The following PRDM6 variants were observed in gnomAD, a reference collection of about 807,000 sequenced individuals.
PRDM6 encodes the protein putative histone-lysine N-methyltransferase PRDM6.
Under a neutral mutation model 60.8 loss-of-function variants are expected in PRDM6, and 25 were observed. The ratio of observed to expected loss-of-function variants is 0.41; its 90% CI spans 0.30 to 0.57. The LOEUF (loss-of-function observed/expected upper bound fraction) is 0.57. PRDM6 is among the 20% of genes least tolerant of loss of function. The probability of loss-of-function intolerance (pLI) is 0.27; values close to 1 mark genes in which losing one functional copy is unlikely to be tolerated. For missense variants in PRDM6, 839 were observed against 821.3 expected (o/e 1.02, Z -0.26); for synonymous variants, 407 against 357.4 (o/e 1.14, Z -1.57).
At chr5:123,143,479 G>A (rs975669343) in intron 3 of PRDM6, among the ~76,000 whole-genome samples, 5 of 152,132 alleles carry the variant, frequency 3.3e-5, no homozygotes, top group Non-Finnish European at 7.4e-5. Context: ...TCTGATGTGA[G>A]CCATAACCTC....
intron 3 of PRDM6, among the ~76,000 whole-genome samples, chr5:123,147,874 G>A (rs535823425): frequency 3.3e-5 from 5 of 152,310 alleles, no homozygotes; most frequent in African/African-American, 4.8e-5. Flanking sequence ...GACGGCTGCC[G>A]CCGCCTTCAG....
At chr5:123,164,303 T>C (rs933716029) in intron 5 of PRDM6, among the ~76,000 whole-genome samples, 15 of 152,164 alleles carry the variant, frequency 9.9e-5, no homozygotes, top group Admixed American at 1.3e-4. Context: ...TTGTGTACAG[T>C]GCAAAGCTGG....
intron 2 of PRDM6, among the ~76,000 whole-genome samples, chr5:123,098,749 C>G (rs926905142): frequency 6.6e-6 from 1 of 152,204 alleles, no homozygotes; most frequent in Non-Finnish European, 1.5e-5. Flanking sequence ...TTAGGCTGAT[C>G]GTTAAATTTG....
At chr5:123,152,292 G>A (rs935831099) in intron 3 of PRDM6, among the ~76,000 whole-genome samples, 5 of 152,168 alleles carry the variant, frequency 3.3e-5, no homozygotes, top group African/African-American at 9.7e-5. Flanking sequence ...TAAGACAGTA[G>A]AGAGGTAGAG....
At chr5:123,133,972 A>G (rs1339920966) in intron 3 of PRDM6, among the ~76,000 whole-genome samples, 1 of 152,146 alleles carries the variant, frequency 6.6e-6, no homozygotes, top group Non-Finnish European at 1.5e-5. Flanking sequence ...TGCCACACGA[A>G]CTTTTCATTC....
chr5:123,140,886 T>C (rs1765082381), intron 3 of PRDM6, among the ~76,000 whole-genome samples: 1 of 152,104 alleles, frequency 6.6e-6, no homozygotes, highest in African/African-American at 2.4e-5. Context: ...ATAGGTATTA[T>C]TATTTTTAAA....
chr5:123,092,881 T>G (rs1372574232), intron 2 of PRDM6, among the ~76,000 whole-genome samples: 1 of 152,212 alleles, frequency 6.6e-6, no homozygotes, highest in African/African-American at 2.4e-5. Flanking sequence ...GGATGTACTT[T>G]TACAAAGATG....
At chr5:123,139,380 C>T (rs1765046452) in intron 3 of PRDM6, among the ~76,000 whole-genome samples, 1 of 151,866 alleles carries the variant, frequency 6.6e-6, no homozygotes, top group African/African-American at 2.4e-5. Flanking sequence ...TTGGTGGATT[C>T]CGTATTAGGC....
intron 3 of PRDM6, among the ~76,000 whole-genome samples, chr5:123,110,168 A>C (rs1223006914): frequency 1.3e-5 from 2 of 152,218 alleles, no homozygotes; most frequent in Non-Finnish European, 2.9e-5. Context: ...TAGAAATTTT[A>C]GATGAAAAAA....
chr5:123,108,325 A>G (rs78546796), intron 3 of PRDM6, among the ~76,000 whole-genome samples: 7,843 of 152,240 alleles, frequency 0.052, 273 homozygotes, highest in East Asian at 0.11. Context: ...CATGTTTTCA[A>G]TGTCTTGTAA....
At chr5:123,131,284 T>C (rs1764828913) in intron 3 of PRDM6, among the ~76,000 whole-genome samples, 1 of 152,188 alleles carries the variant, frequency 6.6e-6, no homozygotes, top group South Asian at 2.1e-4. Flanking sequence ...GCAGCCATAG[T>C]TAATGAGAAT....
intron 5 of PRDM6, among the ~76,000 whole-genome samples, chr5:123,167,082 G>A (rs1468190543): frequency 1.3e-5 from 2 of 152,142 alleles, no homozygotes; most frequent in African/African-American, 2.4e-5. Context: ...CAGTGAGGCT[G>A]ATATTTAGGA....
At chr5:123,158,394 C>G (rs75071632) in intron 4 of PRDM6, among the ~76,000 whole-genome samples, 1,887 of 152,250 alleles carry the variant, frequency 0.012, 46 homozygotes, top group African/African-American at 0.043. Context: ...AGCTAGGCAA[C>G]TGGCTGGAGT....
At chr5:123,122,149 C>G (rs558619032) in intron 3 of PRDM6, among the ~76,000 whole-genome samples, 55 of 106,332 alleles carry the variant, frequency 5.2e-4, no homozygotes, top group African/African-American at 2.0e-3. Context: ...GGCGACAGTG[C>G]GAGACTCCAT....
At position 123,192,341 on chromosome 5, in the gene PRDM6, A is replaced by AT. The variant is rs1766449461; in HGVS notation, c.*5141dup. On this transcript the variant is annotated 3_prime_UTR_variant, in exon 8 of 8. Transcript: ENST00000407847. ...TTAGTTTTTTTCCTCCTTCAAAGCC[A>AT]TAAACAGGCAATTGTTAAAAGAGGA... 1 of 152,216 alleles carries AT rather than the reference A, an allele frequency of 6.6e-6. No individual in the cohort carries two copies. Among genetic ancestry groups the AT allele is most frequent in the South Asian group, 2.1e-4 (1 of 4,830 alleles). 9.4% of individuals were successfully genotyped at this position (152,216 alleles called of 1,614,324 possible).
Position 123,192,228 on chromosome 5 carries a change from C to T in PRDM6, c.*5027C>T, listed in dbSNP as rs1424115660. The T allele has an allele frequency of 6.6e-6, 1 of 152,188 alleles. No homozygotes were observed. Among genetic ancestry groups the T allele is most frequent in the East Asian group, 1.9e-4 (1 of 5,192 alleles). The allele number at this position is 152,188 out of a possible 1,614,324, so 9.4% of individuals were successfully genotyped here. On this transcript the variant is annotated 3_prime_UTR_variant, in exon 8 of 8. Coordinates refer to ENST00000407847, the MANE Select transcript of PRDM6 (RefSeq NM_001136239.4). ...TGTTCTAATGCTTAATGTGGATTATCTCTTTTAATCCTTAGTAACTCTATA... is the reference window on the plus strand; with the variant it reads ...TGTTCTAATGCTTAATGTGGATTATTTCTTTTAATCCTTAGTAACTCTATA...
chr5:123,166,580 A>C (rs1765758198), intron 5 of PRDM6, among the ~76,000 whole-genome samples: 1 of 152,222 alleles, frequency 6.6e-6, no homozygotes, highest in Admixed American at 6.5e-5. Context: ...ATCTGTAAAA[A>C]CATCAGCTTA....
At chr5:123,096,368 G>A (rs972928399) in intron 2 of PRDM6, among the ~76,000 whole-genome samples, 1 of 151,954 alleles carries the variant, frequency 6.6e-6, no homozygotes, top group African/African-American at 2.4e-5. Context: ...TTTCATGTAG[G>A]TGTTTATACT....
intron 3 of PRDM6, among the ~76,000 whole-genome samples, chr5:123,104,644 A>T (rs1764168444): frequency 6.6e-6 from 1 of 152,206 alleles, no homozygotes; most frequent in Admixed American, 6.5e-5. Context: ...GTGAAATTCA[A>T]ATAATTTCTC....
Sources: gnomAD v4.1 joint callset for allele counts (sites outside exome capture counted in the v4.1 genomes callset) on GRCh38, gnomAD v4.1.1 for gene constraint, MANE v1.5 for transcripts, NCBI Gene and HGNC (gene_info 2026-07-23, HGNC 2026-07-21) for gene names.